WIPI2: variants seen among roughly 807,000 people sequenced by gnomAD.
WIPI2 encodes the protein WD repeat domain phosphoinositide-interacting protein 2.
A neutral mutation model predicts 52.3 loss-of-function variants in WIPI2; 28 were observed. The ratio of observed to expected loss-of-function variants is 0.54; its 90% CI spans 0.40 to 0.73. WIPI2 has a LOEUF of 0.73. WIPI2 is among the 30% of genes least tolerant of loss of function. The pLI is 0.00. For missense variants in WIPI2, 506 were observed against 602.9 expected (o/e 0.84, Z 1.68); for synonymous variants, 268 against 245.0 (o/e 1.09, Z -0.88).
rs1244540007 is a variant in WIPI2, at chr7:5,233,133, A to C, written c.*2186A>C. ...AGGGCTAAGCTGTGCGCCCTAGAGG[A>C]GGGAGGAGGACTGCAGATTCTTGGT... On this transcript the variant is annotated 3_prime_UTR_variant, in exon 13 of 13. Transcript: ENST00000288828. 1 of 152,278 alleles carries C rather than the reference A, an allele frequency of 6.6e-6. No individual in the cohort carries two copies. The highest frequency in any genetic ancestry group is 1.5e-5 in the Non-Finnish European group (1 of 68,084). 9.4% of individuals were successfully genotyped at this position (152,278 alleles called of 1,614,324 possible).
chr7:5,228,877 C>T (rs1783577244), intron 11 of WIPI2, among the ~76,000 whole-genome samples: 3 of 151,614 alleles, frequency 2.0e-5, no homozygotes. Flanking sequence ...TACAGGCACA[C>T]AGCACATCCA....
At chr7:5,217,818 G>C in intron 6 of WIPI2, 104 bp from the exon 7 acceptor site, 1 of 1,068,820 alleles carries the variant, frequency 9.4e-7, no homozygotes. Flanking sequence ...GGACCGTAAT[G>C]GTGTTTTAGG....
intron 3 of WIPI2, among the ~76,000 whole-genome samples, chr7:5,211,161 T>G (rs1478086932): frequency 6.6e-6 from 1 of 152,192 alleles, no homozygotes; most frequent in Non-Finnish European, 1.5e-5. Flanking sequence ...CAGGAACATG[T>G]GCATCATGTG....
intron 6 of WIPI2, 57 bp from the exon 7 acceptor site, chr7:5,217,865 C>T: frequency 6.3e-7 from 1 of 1,582,288 alleles, no homozygotes; most frequent in Admixed American, 1.7e-5. Context: ...AGTGTCAGCC[C>T]TGGGGCGTGG....
At chr7:5,203,091 C>T (rs546582134) in intron 3 of WIPI2, among the ~76,000 whole-genome samples, 1 of 152,324 alleles carries the variant, frequency 6.6e-6, no homozygotes, top group East Asian at 1.9e-4. Flanking sequence ...TAGCTGTTGA[C>T]ATATAACATC....
chr7:5,229,830 C>T (rs1783638423), intron 12 of WIPI2, 92 bp downstream of exon 12: 11 of 1,541,298 alleles, frequency 7.1e-6, no homozygotes, highest in South Asian at 1.2e-5. Context: ...CCCACCAGCT[C>T]CTCACTGGGA....
intron 9 of WIPI2, chr7:5,226,937 C>T: frequency 1.9e-6 from 1 of 525,132 alleles, no homozygotes; most frequent in South Asian, 2.4e-5. Context: ...CACGTCTTGT[C>T]CGTGGCCAAA....
At position 5,222,592 on chromosome 7, in the gene WIPI2, C is replaced by T. The variant is rs1474198365; in HGVS notation, c.670-10C>T. On this transcript the variant is annotated splice_polypyrimidine_tract_variant and intron_variant, in intron 7 of 12. Coordinates refer to ENST00000288828, the MANE Select transcript of WIPI2 (RefSeq NM_015610.4). ...AGCTCAAATTCTTCTTTTCTCTTTT[C>T]CTTCCACAGGGGACCGTGATTAGGG... 6.2e-7 allele frequency: 1 copy of T among 1,613,014 alleles called. No individual in the cohort carries two copies. Among genetic ancestry groups the T allele is most frequent in the Non-Finnish European group, 8.5e-7 (1 of 1,179,394 alleles).
At chr7:5,194,585 A>T (rs1409195259) in intron 2 of WIPI2, among the ~76,000 whole-genome samples, 1 of 152,222 alleles carries the variant, frequency 6.6e-6, no homozygotes, top group Non-Finnish European at 1.5e-5. Context: ...AGACCCTAAT[A>T]AAATGTTAAT....
At chr7:5,218,036 G>A in intron 7 of WIPI2, 22 bp downstream of exon 7, 5 of 1,613,204 alleles carry the variant, frequency 3.1e-6, no homozygotes, top group Non-Finnish European at 4.2e-6. Context: ...TTTCCCCGGG[G>A]GAGCACTGGT....
At position 5,214,773 on chromosome 7, in the gene WIPI2, C is replaced by G. The variant is rs1782728470; in HGVS notation, c.381+69C>G. ...TCCAGCACTCTGGGACAAGCCCACC[C>G]CACCGGCATGCCCCTCCGTCATTCC... On this transcript the variant is annotated intron_variant, in intron 4 of 12. Transcript: ENST00000288828. The G allele has an allele frequency of 2.6e-6, 4 of 1,551,836 alleles. No individual in the cohort carries two copies. In the South Asian group the frequency reaches 4.5e-5, roughly 17 times the overall value.
intron 8 of WIPI2, chr7:5,222,888 C>T (rs1473662265): frequency 2.1e-6 from 1 of 483,440 alleles, no homozygotes; most frequent in Non-Finnish European, 3.8e-6. Flanking sequence ...GCGATCCCAC[C>T]AGCTAGCGTG....
chr7:5,208,161 G>A (rs1360576397), intron 3 of WIPI2, among the ~76,000 whole-genome samples: 2 of 152,138 alleles, frequency 1.3e-5, no homozygotes, highest in Non-Finnish European at 2.9e-5. Context: ...AATTTCTCAG[G>A]TAACTAATGA....
At chr7:5,229,094 C>A (rs1562410741) in intron 11 of WIPI2, among the ~76,000 whole-genome samples, 1 of 152,188 alleles carries the variant, frequency 6.6e-6, no homozygotes, top group African/African-American at 2.4e-5. Flanking sequence ...CGGCTCACTG[C>A]AATCTCCGCC....
rs779696374 is a variant in WIPI2 at position 5,217,145 on chromosome 7, C to T, written c.534C>T (p.Ser178=). ...ACTGCTACTTGGCGTACCCAGGGAG[C>T]GCGACCATCGGAGAGGTGCAGGTCT... ...NDNCYLAYPG[S]ATIGEVQVFD... is the part of the protein sequence containing the mutation. The change falls in exon 6 of 13, where the codon AGC becomes AGT. Residue 178 remains serine (S), a synonymous_variant. Coordinates refer to ENST00000288828, the MANE Select transcript of WIPI2 (RefSeq NM_015610.4). 1.5e-5 allele frequency: 24 copies of T among 1,613,920 alleles called. No homozygotes were observed. Among genetic ancestry groups the T allele is most frequent in the African/African-American group, 4.0e-5 (3 of 74,872 alleles).
intron 4 of WIPI2, among the ~76,000 whole-genome samples, chr7:5,214,907 C>T (rs1320822381): frequency 3.9e-5 from 6 of 152,250 alleles, no homozygotes; most frequent in Non-Finnish European, 5.9e-5. Context: ...GACAAATGCC[C>T]GGGCCTCTGC....
intron 11 of WIPI2, among the ~76,000 whole-genome samples, chr7:5,228,591 C>T (rs1783562708): frequency 6.6e-6 from 1 of 152,220 alleles, no homozygotes; most frequent in Admixed American, 6.5e-5. Context: ...CAATTCAGTG[C>T]ACGTGGCTGA....
chr7:5,224,922 C>T (rs935002324), intron 8 of WIPI2, among the ~76,000 whole-genome samples: 7 of 152,164 alleles, frequency 4.6e-5, no homozygotes, highest in Admixed American at 4.6e-4. Context: ...ACCCCACCCC[C>T]ATCGCTGGAT....
At chr7:5,198,677 TCA>T (rs1463364586) in intron 2 of WIPI2, among the ~76,000 whole-genome samples, 1 of 152,210 alleles carries the variant, frequency 6.6e-6, no homozygotes, top group Non-Finnish European at 1.5e-5. Context: ...TTGAGAAACC[TCA>T]GTTTGTTTTG....
Sources: allele counts gnomAD v4.1 joint callset (sites outside exome capture counted in the v4.1 genomes callset), GRCh38; gene constraint gnomAD v4.1.1; transcripts MANE v1.5; gene names NCBI Gene and HGNC (gene_info 2026-07-23, HGNC 2026-07-21).